Variants in EPS15L1 observed in about 807,000 individuals in gnomAD.
EPS15L1 encodes the protein epidermal growth factor receptor pathway substrate 15 like 1, also known as epidermal growth factor receptor substrate 15-like 1.
EPS15L1 carries 43 observed loss-of-function variants against 117.1 expected under a neutral mutation model. The observed-to-expected ratio is 0.37, with a 90% CI of 0.29 to 0.47. The LOEUF (loss-of-function observed/expected upper bound fraction) is 0.47. Ranked by LOEUF, EPS15L1 falls within the 20% of genes least tolerant of loss-of-function variation. EPS15L1 has a pLI of 0.99. For missense variants in EPS15L1, 981 were observed against 1,164.0 expected (o/e 0.84, Z 2.29); for synonymous variants, 459 against 470.5 (o/e 0.98, Z 0.32).
rs568524204 is a variant in EPS15L1, at chr19:16,464,812, G to A, written c.33+7101C>T. On this transcript the variant is annotated intron_variant, in intron 1 of 23. Coordinates refer to ENST00000455140, the MANE Select transcript of EPS15L1 (RefSeq NM_001258374.3). ...CTTTAAAAAATTCACGGGTGGGCAT[G>A]GTGGCTCACGCCTGTAATCCCAGCA... is the stretch of plus-strand genomic sequence containing the variant. Among the ~76,000 whole-genome samples the A allele has an allele frequency of 1.7e-4, 26 of 152,196 alleles. No homozygotes were observed. In the South Asian group the frequency reaches 4.4e-3, roughly 25 times the overall value.
chr19:16,402,145 T>C, intron 16 of EPS15L1, 176 bp downstream of exon 16: 43 of 1,372,088 alleles, frequency 3.1e-5, no homozygotes, highest in Non-Finnish European at 4.0e-5. Flanking sequence ...CATGGCCACC[T>C]GTGCCAGGCT....
intron 19 of EPS15L1, among the ~76,000 whole-genome samples, chr19:16,390,509 C>T (rs1568410451): frequency 6.6e-6 from 1 of 152,170 alleles, no homozygotes; most frequent in East Asian, 1.9e-4. Flanking sequence ...CTCAACCTCA[C>T]TGCCATTTGT....
chr19:16,410,362 G>C, intron 13 of EPS15L1, among the ~76,000 whole-genome samples: 1 of 152,208 alleles, frequency 6.6e-6, no homozygotes, highest in Middle Eastern at 3.4e-3. Context: ...ACGGGAAATG[G>C]GTAAGTGTTG....
In EPS15L1 at chr19:16,405,219, C is replaced by T. The variant is rs903921144; in HGVS notation, c.1267-470G>A. Among the ~76,000 whole-genome samples, 1 of 152,134 alleles carries T rather than the reference C, an allele frequency of 6.6e-6. No individual in the cohort carries two copies. The highest frequency in any genetic ancestry group is 2.4e-5 in the African/African-American group (1 of 41,420). ...GAGCAGGTGCCAGGCAGGTGAAGAG[C>T]CAGGGACAGAGCCTGGCGGAGGGAA... On this transcript the variant is annotated intron_variant, in intron 13 of 23. Coordinates refer to ENST00000455140, the MANE Select transcript of EPS15L1 (RefSeq NM_001258374.3). This position sits in a 1 kb window ranked among gnomAD's most constrained non-coding sequence, Gnocchi z 4.0.
intron 7 of EPS15L1, among the ~76,000 whole-genome samples, chr19:16,433,598 A>G (rs1275301035): frequency 6.6e-6 from 1 of 152,056 alleles, no homozygotes; most frequent in Non-Finnish European, 1.5e-5. Context: ...CTGAGGTGGG[A>G]GGATGGCTTC....
intron 12 of EPS15L1, among the ~76,000 whole-genome samples, chr19:16,414,835 G>T (rs1047155714): frequency 2.0e-5 from 3 of 151,166 alleles, no homozygotes; most frequent in African/African-American, 7.3e-5. Flanking sequence ...TTAGCCTCCT[G>T]AGTAGCTAGG....
intron 22 of EPS15L1, among the ~76,000 whole-genome samples, chr19:16,362,511 CTTTTTTTTTTTTTTTTTT>C (rs71178690): frequency 1.8e-5 from 1 of 56,036 alleles, no homozygotes; most frequent in Non-Finnish European, 3.7e-5. Flanking sequence ...GGTTTAAGTT[CTTTTTTTTTTTTTTTTTT>C]TTTTTTTTTT....
At chr19:16,369,113 G>A (rs113745605) in intron 22 of EPS15L1, among the ~76,000 whole-genome samples, 2,825 of 152,242 alleles carry the variant, frequency 0.019, 33 homozygotes, top group Non-Finnish European at 0.029. Context: ...TCTTCCTCTG[G>A]CTCCCATCTA....
At chr19:16,366,927 C>T (rs2092141336) in intron 22 of EPS15L1, among the ~76,000 whole-genome samples, 2 of 152,238 alleles carry the variant, frequency 1.3e-5, no homozygotes, top group South Asian at 4.2e-4. Flanking sequence ...ACTCCTTAAT[C>T]GTTTTTTCCG....
Position 16,392,013 on chromosome 19 carries a change from G to A in EPS15L1, c.2103+291C>T, listed in dbSNP as rs775316951. Among the ~76,000 whole-genome samples, 11 of 152,206 alleles carry A rather than the reference G, an allele frequency of 7.2e-5. 1 individual carries two copies. The highest frequency in any genetic ancestry group is 6.2e-4 in the South Asian group (3 of 4,828). Reference sequence around the variant, plus strand: ...GAGTTGAGGGGTAGGAATGGGGATAGAGAAATAAGAACTATGGGTGACATC... The same window carrying A: ...GAGTTGAGGGGTAGGAATGGGGATAAAGAAATAAGAACTATGGGTGACATC... On this transcript the variant is annotated intron_variant, in intron 19 of 23. Coordinates refer to ENST00000455140, the MANE Select transcript of EPS15L1 (RefSeq NM_001258374.3).
intron 1 of EPS15L1, 102 bp from the exon 2 acceptor site, chr19:16,442,321 A>G (rs2093040449): frequency 1.2e-6 from 1 of 817,756 alleles, no homozygotes; most frequent in African/African-American, 1.7e-5. Context: ...ATATGATGAT[A>G]GTTAGAGTCA....
chr19:16,433,275 A>ACAC (rs1454762081), intron 7 of EPS15L1, among the ~76,000 whole-genome samples: 1 of 150,208 alleles, frequency 6.7e-6, no homozygotes, highest in African/African-American at 2.5e-5. Flanking sequence ...TTACAGGCGA[A>ACAC]CACCACCACA....
intron 21 of EPS15L1, 113 bp from the exon 22 acceptor site, chr19:16,377,367 T>G: frequency 8.3e-7 from 1 of 1,209,564 alleles, no homozygotes; most frequent in Non-Finnish European, 1.2e-6. Context: ...TCCTACCCTC[T>G]GGACTGCACA....
At chr19:16,429,385 C>G (rs1182274445) in intron 7 of EPS15L1, among the ~76,000 whole-genome samples, 1 of 152,168 alleles carries the variant, frequency 6.6e-6, no homozygotes, top group Non-Finnish European at 1.5e-5. Context: ...CACTGCCTGC[C>G]AGGCCAACGC....
intron 15 of EPS15L1, among the ~76,000 whole-genome samples, chr19:16,403,235 C>A (rs550495425): frequency 1.7e-4 from 26 of 152,308 alleles, no homozygotes; most frequent in Non-Finnish European, 2.2e-4. Flanking sequence ...CCAGCGCCCC[C>A]CCCTGGACTG....
chr19:16,432,492 C>A (rs1197989915), intron 7 of EPS15L1, among the ~76,000 whole-genome samples: 1 of 151,932 alleles, frequency 6.6e-6, no homozygotes, highest in Non-Finnish European at 1.5e-5. Context: ...GGCGTGAACC[C>A]AGGAGGCGGA....
intron 1 of EPS15L1, among the ~76,000 whole-genome samples, chr19:16,445,551 C>T (rs931944943): frequency 3.3e-5 from 5 of 152,350 alleles, no homozygotes; most frequent in South Asian, 2.1e-4. Context: ...CACACCTGCA[C>T]GCTGCCCTGA....
chr19:16,393,663 T>A lies in EPS15L1; in HGVS notation c.1966+288A>T, dbSNP rs867006053. Among the ~76,000 whole-genome samples, 1,143 of 141,130 alleles carry A rather than the reference T, an allele frequency of 8.1e-3. 5 individuals carry two copies. Among genetic ancestry groups the A allele is most frequent in the African/African-American group, 0.022 (787 of 36,296 alleles). The allele number at this position is 141,130 out of a possible 152,430, so 92.6% of individuals were successfully genotyped here. A position where few individuals can be genotyped will look rare whatever the true frequency, so the allele number is the denominator to read the frequency against. On this transcript the variant is annotated intron_variant, in intron 18 of 23. Coordinates refer to ENST00000455140, the MANE Select transcript of EPS15L1 (RefSeq NM_001258374.3). Reference sequence around the variant, plus strand: ...GACTCCGTCTCAAAAAAAAAAAAAATAAAAAATAAATAAATAAATAAATAA... The same window carrying A: ...GACTCCGTCTCAAAAAAAAAAAAAAAAAAAAATAAATAAATAAATAAATAA...
intron 12 of EPS15L1, among the ~76,000 whole-genome samples, chr19:16,415,566 C>A (rs1008732852): frequency 8.5e-5 from 13 of 152,204 alleles, no homozygotes; most frequent in African/African-American, 2.9e-4. Context: ...AACTGAAGGA[C>A]CTGACATGCC....
Sources: gnomAD v4.1 joint callset for allele counts (sites outside exome capture counted in the v4.1 genomes callset) on GRCh38, gnomAD v4.1.1 for gene constraint, Gnocchi (gnomAD v3.1) non-coding constraint, MANE v1.5 for transcripts, NCBI Gene and HGNC (gene_info 2026-07-23, HGNC 2026-07-21) for gene names.